ARHGEF37: variants seen among roughly 807,000 people sequenced by gnomAD.
ARHGEF37 encodes the protein Rho guanine nucleotide exchange factor (GEF) 37.
In ARHGEF37, 55 loss-of-function variants were observed where a neutral mutation model predicts 71.1. The observed-to-expected ratio is 0.77, with a 90% CI of 0.62 to 0.97. The LOEUF is 0.97. ARHGEF37 is among the 50% of genes least tolerant of loss of function. ARHGEF37 has a pLI of 0.00. For missense variants in ARHGEF37, 765 were observed against 836.8 expected (o/e 0.91, Z 1.06); for synonymous variants, 327 against 350.6 (o/e 0.93, Z 0.75).
intron 3 of ARHGEF37, among the ~76,000 whole-genome samples, chr5:149,609,252 C>A (rs1764002499): frequency 6.6e-6 from 1 of 152,086 alleles, no homozygotes; most frequent in South Asian, 2.1e-4. Context: ...AAAGCACTGT[C>A]CAAATGTGAG....
chr5:149,568,550 C>T (rs978322925), intron 1 of ARHGEF37, among the ~76,000 whole-genome samples: 24 of 151,918 alleles, frequency 1.6e-4, no homozygotes, highest in Non-Finnish European at 3.4e-4. Context: ...ATACATTGGC[C>T]GCGTGGTGAC....
chr5:149,630,466 G>T (rs1347947654), intron 12 of ARHGEF37, among the ~76,000 whole-genome samples: 1 of 152,172 alleles, frequency 6.6e-6, no homozygotes, highest in East Asian at 1.9e-4. Context: ...GGAGGAGCCT[G>T]CCGCAGGCTG....
intron 9 of ARHGEF37, among the ~76,000 whole-genome samples, chr5:149,622,571 A>C (rs1752577299): frequency 6.6e-6 from 1 of 152,156 alleles, no homozygotes; most frequent in Admixed American, 6.5e-5. Context: ...ACTCATTTTA[A>C]AAATAAAGAA....
chr5:149,581,851 CTG>C (rs1212440148), intron 1 of ARHGEF37, among the ~76,000 whole-genome samples: 1 of 152,148 alleles, frequency 6.6e-6, no homozygotes, highest in Admixed American at 6.5e-5. Flanking sequence ...AGGTGGGAAA[CTG>C]AGGCCCAGGG....
In ARHGEF37 at chr5:149,581,530, G is replaced by C. The variant is rs1763106071; in HGVS notation, c.-106G>C. On this transcript the variant is annotated 5_prime_UTR_variant, in exon 1 of 13. Coordinates refer to ENST00000333677, the MANE Select transcript of ARHGEF37 (RefSeq NM_001001669.3). ...GCCACCCGGAGCGGCGCGGGTGCCG[G>C]GAGCTGGGCGACGCGCCCCTCCTGC... 1 of 152,050 alleles carries C rather than the reference G, an allele frequency of 6.6e-6. No homozygotes were observed. The highest frequency in any genetic ancestry group is 6.6e-5 in the Admixed American group (1 of 15,266). 9.4% of individuals were successfully genotyped at this position (152,050 alleles called of 1,614,324 possible).
intron 10 of ARHGEF37, among the ~76,000 whole-genome samples, chr5:149,625,895 C>T (rs544716465): frequency 6.6e-6 from 1 of 152,250 alleles, no homozygotes; most frequent in African/African-American, 2.4e-5. Flanking sequence ...TCCTTGGGGG[C>T]CCTCCCAGGG....
At chr5:149,572,748 A>C (rs1762982547) in intron 1 of ARHGEF37, among the ~76,000 whole-genome samples, 1 of 152,130 alleles carries the variant, frequency 6.6e-6, no homozygotes, top group Non-Finnish European at 1.5e-5. Flanking sequence ...TAGGAGAACA[A>C]AGACTGACCT....
intron 1 of ARHGEF37, among the ~76,000 whole-genome samples, chr5:149,584,641 G>A (rs1048678538): frequency 2.0e-5 from 3 of 150,200 alleles, no homozygotes; most frequent in Non-Finnish European, 4.4e-5. Flanking sequence ...ATGGAGTCTC[G>A]CTCTGTCGCC....
intron 1 of ARHGEF37, among the ~76,000 whole-genome samples, chr5:149,562,758 T>G (rs1314852276): frequency 6.6e-6 from 1 of 152,236 alleles, no homozygotes; most frequent in Non-Finnish European, 1.5e-5. Context: ...GAACACCAGC[T>G]TTTTGAGAAG....
chr5:149,627,837 G>A (rs1752741823), intron 11 of ARHGEF37, among the ~76,000 whole-genome samples: 1 of 152,220 alleles, frequency 6.6e-6, no homozygotes, highest in Non-Finnish European at 1.5e-5. Context: ...GAAGAGGGGT[G>A]TGTGACCCAC....
At position 149,609,593 on chromosome 5, in the gene ARHGEF37, A is replaced by G; in HGVS notation, c.356A>G (p.Lys119Arg). 6.2e-7 allele frequency: 1 copy of G among 1,614,068 alleles called. No individual in the cohort carries two copies. The highest frequency in any genetic ancestry group is 1.1e-5 in the South Asian group (1 of 91,076). ...EFQEELEQVY[K>R]VYCASYDQAL... ...CAAGAGGAGTTGGAGCAAGTCTATA[A>G]GGTCTACTGTGCCAGCTACGACCAG... The change falls in exon 4 of 13, where the codon AAG (lysine) becomes AGG (arginine). Residue 119 changes from lysine (K) to arginine (R), a missense_variant. Coordinates refer to ENST00000333677, the MANE Select transcript of ARHGEF37 (RefSeq NM_001001669.3).
intron 1 of ARHGEF37, among the ~76,000 whole-genome samples, chr5:149,570,313 C>T (rs1762946961): frequency 6.6e-6 from 1 of 152,080 alleles, no homozygotes; most frequent in Non-Finnish European, 1.5e-5. Context: ...GTGGCTCACA[C>T]CTGTAATCCC....
At chr5:149,562,745 C>G (rs1293772144) in intron 1 of ARHGEF37, among the ~76,000 whole-genome samples, 1 of 152,220 alleles carries the variant, frequency 6.6e-6, no homozygotes, top group Admixed American at 6.5e-5. Flanking sequence ...CGCGCCCGGC[C>G]AAGAACACCA....
intron 3 of ARHGEF37, among the ~76,000 whole-genome samples, chr5:149,604,728 G>T (rs1763866056): frequency 6.8e-6 from 1 of 146,348 alleles, no homozygotes; most frequent in Non-Finnish European, 1.5e-5. Flanking sequence ...TGTCGCCCAG[G>T]CTGGAGTACA....
chr5:149,612,959 TA>T, intron 4 of ARHGEF37, among the ~76,000 whole-genome samples: 1 of 152,292 alleles, frequency 6.6e-6, no homozygotes, highest in South Asian at 2.1e-4. Flanking sequence ...GCCAAGGGAA[TA>T]AAAAAACTCA....
chr5:149,574,152 T>C (rs989518198), intron 1 of ARHGEF37, among the ~76,000 whole-genome samples: 1 of 152,222 alleles, frequency 6.6e-6, no homozygotes. Context: ...GACAAGACCT[T>C]GAGACTGTAT....
intron 1 of ARHGEF37, among the ~76,000 whole-genome samples, chr5:149,569,848 T>C (rs1444013209): frequency 6.6e-6 from 1 of 152,136 alleles, no homozygotes; most frequent in East Asian, 1.9e-4. Context: ...CTCCAACTCC[T>C]GACCTCAGAT....
At chr5:149,579,889 G>T (rs1357126318), upstream of ARHGEF37, among the ~76,000 whole-genome samples, 1 of 151,900 alleles carries the variant, frequency 6.6e-6, no homozygotes, top group Non-Finnish European at 1.5e-5. Flanking sequence ...CCCGCCAACT[G>T]ATGTTATTTT....
At chr5:149,596,804 C>G (rs1431526041) in intron 1 of ARHGEF37, among the ~76,000 whole-genome samples, 1 of 152,192 alleles carries the variant, frequency 6.6e-6, no homozygotes, top group African/African-American at 2.4e-5. Context: ...GCGCTCAACT[C>G]TCTTTCCACT....
Sources: allele counts gnomAD v4.1 joint callset (sites outside exome capture counted in the v4.1 genomes callset), GRCh38; gene constraint gnomAD v4.1.1; transcripts MANE v1.5; gene names NCBI Gene and HGNC (gene_info 2026-07-23, HGNC 2026-07-21).